Variants in RMDN2 observed in about 807,000 individuals in gnomAD.
RMDN2 encodes regulator of microtubule dynamics 2, also known as regulator of microtubule dynamics protein 2.
In RMDN2, 61 loss-of-function variants were observed where a neutral mutation model predicts 52.8. The ratio of observed to expected loss-of-function variants is 1.16; its 90% CI spans 0.94 to 1.43. The LOEUF (loss-of-function observed/expected upper bound fraction) is 1.43. Among genes scored for constraint, RMDN2 ranks in the 40% most tolerant of loss-of-function variants. RMDN2 has a pLI of 0.00. For synonymous variants in RMDN2, 180 were observed against 153.1 expected (o/e 1.18, Z -1.30); for missense variants, 592 against 475.3 (o/e 1.25, Z -2.28).
rs1373002775 is a variant in RMDN2 at position 38,047,962 on chromosome 2, A to T, written c.1714-19020A>T. ...TTGTCTGATATTTCTTACCTAAAAT[A>T]CTCTGATCACTCTGACTTTAATCAG... On this transcript the variant is annotated intron_variant, in intron 10 of 10. Coordinates refer to the RMDN2 transcript ENST00000234195. Among the ~76,000 whole-genome samples, 4 of 152,206 alleles carry T rather than the reference A, an allele frequency of 2.6e-5. No individual in the cohort carries two copies. In the South Asian group the frequency reaches 8.3e-4, roughly 31 times the overall value.
In RMDN2 at chr2:37,989,595, C is replaced by G. The variant is rs1023186607; in HGVS notation, c.846C>G (p.Ile282Met). 6.2e-7 allele frequency: 1 copy of G among 1,605,802 alleles called. No individual in the cohort carries two copies. Among genetic ancestry groups the G allele is most frequent in the African/African-American group, 1.3e-5 (1 of 74,162 alleles). Reference protein sequence around the residue: ...VSEFEGLQNKINYGHLFKEHL... With the variant: ...VSEFEGLQNKMNYGHLFKEHL... Reference sequence around the variant, plus strand: ...AGTTTGAGGGTTTACAAAACAAAATCAACTATGGGCACCTCTTCAAGGTAT... The same window carrying G: ...AGTTTGAGGGTTTACAAAACAAAATGAACTATGGGCACCTCTTCAAGGTAT... The change falls in exon 6 of 11, where the codon ATC (isoleucine) becomes ATG (methionine). Residue 282 changes from isoleucine to methionine, a missense_variant. Ile to Met is a conservative substitution (Grantham distance 10). Transcript: ENST00000354545.
At chr2:38,066,642 C>A (rs1682294409) in intron 10 of RMDN2, among the ~76,000 whole-genome samples, 1 of 152,192 alleles carries the variant, frequency 6.6e-6, no homozygotes, top group African/African-American at 2.4e-5. Flanking sequence ...GCCTGTCTTA[C>A]TTATGTCCAA....
At chr2:37,961,821 C>T (rs538175457) in intron 2 of RMDN2, among the ~76,000 whole-genome samples, 11 of 152,228 alleles carry the variant, frequency 7.2e-5, no homozygotes, top group Non-Finnish European at 7.4e-5. Context: ...TCCTCATCTT[C>T]GTAGATTTAT....
chr2:37,932,316 C>T lies in RMDN2; in HGVS notation c.452+2587C>T, dbSNP rs577631671. 6.1e-3 allele frequency among the ~76,000 whole-genome samples: 920 copies of T among 151,820 alleles called. 13 individuals carry two copies. The highest frequency in any genetic ancestry group is 0.021 in the African/African-American group (858 of 41,370). On this transcript the variant is annotated intron_variant, in intron 2 of 10. Coordinates refer to ENST00000354545, the MANE Select transcript of RMDN2 (RefSeq NM_001170791.3). The stretch of plus-strand genomic sequence containing the variant: ...CTGTTTAACAAAGCACATCTTGCAC[C>T]GCCCTTAATCCATTCAACCCTGGGT...
chr2:38,017,785 G>A (rs1325244672), downstream of RMDN2: 2 of 263,458 alleles, frequency 7.6e-6, no homozygotes, highest in East Asian at 1.3e-4. Context: ...CCACCAAACA[G>A]GCTTTGTGTG....
At chr2:38,035,998 T>TAA (rs1347632864) in intron 10 of RMDN2, 1 of 143,960 alleles carries the variant, frequency 6.9e-6, no homozygotes, top group Non-Finnish European at 1.5e-5. Context: ...AGGAAGGAAA[T>TAA]AAAATCTCAG....
intron 10 of RMDN2, among the ~76,000 whole-genome samples, chr2:38,045,455 C>T (rs1477625849): frequency 6.6e-6 from 1 of 152,142 alleles, no homozygotes; most frequent in Non-Finnish European, 1.5e-5. Flanking sequence ...TTGATGTTTG[C>T]ATCTCATCTC....
intron 6 of RMDN2, 136 bp downstream of exon 6, chr2:37,989,752 C>A: frequency 1.8e-6 from 1 of 546,508 alleles, no homozygotes; most frequent in Non-Finnish European, 3.1e-6. Context: ...AGATTAAGCT[C>A]TGGGAATTTG....
At chr2:37,972,078 T>C (rs1671880978) in intron 2 of RMDN2, among the ~76,000 whole-genome samples, 1 of 152,206 alleles carries the variant, frequency 6.6e-6, no homozygotes, top group South Asian at 2.1e-4. Flanking sequence ...TTTTGTTAGA[T>C]TTATTCCTAG....
At chr2:37,942,543 C>A (rs1667883345) in intron 2 of RMDN2, among the ~76,000 whole-genome samples, 2 of 152,150 alleles carry the variant, frequency 1.3e-5, no homozygotes, top group African/African-American at 2.4e-5. Flanking sequence ...ATCCTATGAG[C>A]AGTATATGAG....
chr2:37,963,889 C>T lies in RMDN2; in HGVS notation c.453-10151C>T, dbSNP rs537201331. Among the ~76,000 whole-genome samples, 25 of 137,262 alleles carry T rather than the reference C, an allele frequency of 1.8e-4. No homozygotes were observed. The Middle Eastern group carries it at 0.012, about 64-fold the overall frequency. 90.0% of individuals were successfully genotyped at this position (137,262 alleles called of 152,430 possible). A position where few individuals can be genotyped will look rare whatever the true frequency, so the allele number is the denominator to read the frequency against. On this transcript the variant is annotated intron_variant, in intron 2 of 10. Transcript: ENST00000354545. ...GGGGCTCCTCACTTCCCAGCAGGGG[C>T]GGCGGGGCAGAGGCGCCCCCCCACC...
chr2:37,951,197 T>A (rs1479368079), intron 2 of RMDN2: 2 of 1,503,560 alleles, frequency 1.3e-6, no homozygotes, highest in Non-Finnish European at 1.8e-6. Context: ...CTGCTCCCTA[T>A]TTTTTTTCCT....
intron 1 of RMDN2, among the ~76,000 whole-genome samples, chr2:37,926,139 A>G (rs910432780): frequency 6.6e-6 from 1 of 152,164 alleles, no homozygotes; most frequent in African/African-American, 2.4e-5. Context: ...TATCCTTGCA[A>G]AATTTGTCAT....
downstream of RMDN2, among the ~76,000 whole-genome samples, chr2:38,021,693 C>T (rs936103268): frequency 6.6e-6 from 1 of 152,208 alleles, no homozygotes; most frequent in Non-Finnish European, 1.5e-5. Flanking sequence ...GAGTGTGCAA[C>T]GTACATCCCT....
chr2:37,941,373 A>T (rs1469595085), intron 2 of RMDN2, among the ~76,000 whole-genome samples: 1 of 152,234 alleles, frequency 6.6e-6, no homozygotes, highest in Non-Finnish European at 1.5e-5. Context: ...CACAGGGGTC[A>T]GGGACCCACT....
At chr2:37,932,975 C>G (rs550488145) in intron 2 of RMDN2, among the ~76,000 whole-genome samples, 2 of 151,840 alleles carry the variant, frequency 1.3e-5, no homozygotes, top group South Asian at 4.2e-4. Context: ...CCTCACTTCC[C>G]AGACGGGGTG....
At chr2:37,953,597 G>C (rs1669105287) in intron 2 of RMDN2, among the ~76,000 whole-genome samples, 1 of 151,976 alleles carries the variant, frequency 6.6e-6, no homozygotes, top group South Asian at 2.1e-4. Flanking sequence ...TCCACCAGTG[G>C]ACAATTTGGG....
At chr2:38,062,459 T>C (rs1682091829) in intron 10 of RMDN2, among the ~76,000 whole-genome samples, 1 of 152,236 alleles carries the variant, frequency 6.6e-6, no homozygotes, top group African/African-American at 2.4e-5. Flanking sequence ...AGATTTTGTA[T>C]AACTAATTGC....
At chr2:38,039,923 C>T (rs1368149246) in intron 10 of RMDN2, among the ~76,000 whole-genome samples, 2 of 151,858 alleles carry the variant, frequency 1.3e-5, no homozygotes, top group Non-Finnish European at 2.9e-5. Flanking sequence ...TTTTTAGCAT[C>T]TCCTCCTCTT....
Sources: gnomAD v4.1 joint callset for allele counts (sites outside exome capture counted in the v4.1 genomes callset) on GRCh38, gnomAD v4.1.1 for gene constraint, MANE v1.5 for transcripts, NCBI Gene and HGNC (gene_info 2026-07-23, HGNC 2026-07-21) for gene names.